The following DPP10 variants were observed in gnomAD, a reference collection of about 807,000 sequenced individuals.
DPP10 encodes dipeptidyl peptidase like 10.
In DPP10, 33 loss-of-function variants were observed where a neutral mutation model predicts 120.9. The observed-to-expected ratio is 0.27, with a 90% CI of 0.21 to 0.37. The LOEUF (loss-of-function observed/expected upper bound fraction) is 0.37. DPP10 is among the 10% of genes least tolerant of loss of function. The probability of loss-of-function intolerance (pLI) is 1.00; values close to 1 mark genes in which losing one functional copy is unlikely to be tolerated. For synonymous variants in DPP10, 337 were observed against 326.1 expected (o/e 1.03, Z -0.36); for missense variants, 816 against 942.8 (o/e 0.87, Z 1.76).
At chr2:114,516,794 A>T (rs1459134258) in intron 1 of DPP10, among the ~76,000 whole-genome samples, 1 of 152,228 alleles carries the variant, frequency 6.6e-6, no homozygotes, top group African/African-American at 2.4e-5. Context: ...CTGTTTTCTG[A>T]CAATACACTG....
intron 1 of DPP10, among the ~76,000 whole-genome samples, chr2:114,613,761 A>G (rs1206427795): frequency 1.3e-5 from 2 of 152,190 alleles, no homozygotes; most frequent in Non-Finnish European, 2.9e-5. Context: ...AATGTGGCAC[A>G]TATACACCAT....
chr2:114,749,533 C>T (rs950460298), intron 1 of DPP10, among the ~76,000 whole-genome samples: 2 of 137,174 alleles, frequency 1.5e-5, no homozygotes, highest in East Asian at 2.1e-4. Context: ...AACAAAGACA[C>T]TTATTCTAGC....
At position 115,309,145 on chromosome 2, in the gene DPP10, A is replaced by G. The variant is rs192213298; in HGVS notation, c.61-94A>G. 7.6e-6 allele frequency: 7 copies of G among 922,644 alleles called. No homozygotes were observed. The East Asian group carries it at 1.8e-4, about 24-fold the overall frequency. 57.2% of individuals were successfully genotyped at this position (922,644 alleles called of 1,614,324 possible). A position where few individuals can be genotyped will look rare whatever the true frequency, so the allele number is the denominator to read the frequency against. On this transcript the variant is annotated intron_variant, in intron 1 of 25. Transcript: ENST00000410059. ...GGAAATGGATTCTAATCAGCTTTCA[A>G]ACTGTGATTGTGCCATGCACTGAAT...
At chr2:115,583,589 G>T (rs2082122033) in intron 5 of DPP10, among the ~76,000 whole-genome samples, 1 of 152,112 alleles carries the variant, frequency 6.6e-6, no homozygotes, top group Non-Finnish European at 1.5e-5. Context: ...TTCTTACATG[G>T]TATCTCAGGG....
intron 2 of DPP10, among the ~76,000 whole-genome samples, chr2:115,330,377 T>A (rs2062644190): frequency 6.6e-6 from 1 of 151,276 alleles, no homozygotes; most frequent in African/African-American, 2.4e-5. Flanking sequence ...TCTCCCATTC[T>A]GTAGGTTGCC....
chr2:115,190,728 C>G (rs1010568923), intron 1 of DPP10, among the ~76,000 whole-genome samples: 27 of 152,180 alleles, frequency 1.8e-4, no homozygotes, highest in African/African-American at 6.3e-4. Context: ...AGCTACCATA[C>G]AGCTCATGCC....
chr2:115,066,087 G>A (rs955272284), intron 1 of DPP10, among the ~76,000 whole-genome samples: 2 of 152,102 alleles, frequency 1.3e-5, no homozygotes, highest in African/African-American at 2.4e-5. Flanking sequence ...CAAGATCCAC[G>A]TTATTGCCTA....
chr2:115,590,385 T>G (rs1476065200), intron 5 of DPP10, among the ~76,000 whole-genome samples: 4 of 152,102 alleles, frequency 2.6e-5, no homozygotes, highest in Non-Finnish European at 5.9e-5. Context: ...TTCTCATTGT[T>G]CAAGTCCCAC....
intron 1 of DPP10, among the ~76,000 whole-genome samples, chr2:114,564,663 G>C (rs1448650362): frequency 1.3e-5 from 2 of 152,052 alleles, no homozygotes; most frequent in African/African-American, 4.8e-5. Context: ...AGACATAAGG[G>C]AAAGGAAAAT....
intron 3 of DPP10, among the ~76,000 whole-genome samples, chr2:115,422,627 T>C (rs978765969): frequency 6.6e-6 from 1 of 152,190 alleles, no homozygotes; most frequent in South Asian, 2.1e-4. Context: ...TAATCACATT[T>C]TATATTTCCA....
At chr2:114,809,742 G>A (rs74818647) in intron 1 of DPP10, among the ~76,000 whole-genome samples, 2 of 152,034 alleles carry the variant, frequency 1.3e-5, no homozygotes, top group African/African-American at 2.4e-5. Flanking sequence ...ACCTGCATAC[G>A]GCTTGCGAAA....
At chr2:115,017,306 C>T (rs1260152119) in intron 1 of DPP10, among the ~76,000 whole-genome samples, 1 of 151,748 alleles carries the variant, frequency 6.6e-6, no homozygotes, top group Non-Finnish European at 1.5e-5. Context: ...AAATGAGATA[C>T]CATCTCATCC....
intron 1 of DPP10, among the ~76,000 whole-genome samples, chr2:114,858,237 C>T (rs774559669): frequency 3.9e-5 from 6 of 152,170 alleles, no homozygotes; most frequent in Non-Finnish European, 8.8e-5. Context: ...CAATCTGCCA[C>T]CTCGGCCTCC....
intron 1 of DPP10, among the ~76,000 whole-genome samples, chr2:114,693,002 G>A (rs1196846022): frequency 6.6e-6 from 1 of 152,066 alleles, no homozygotes; most frequent in Non-Finnish European, 1.5e-5. Context: ...TTTGAAGACA[G>A]CATAGTGATG....
intron 5 of DPP10, among the ~76,000 whole-genome samples, chr2:115,660,918 C>T (rs926583802): frequency 3.3e-5 from 5 of 151,830 alleles, no homozygotes; most frequent in African/African-American, 9.7e-5. Context: ...TCAAGGATAA[C>T]CATTATCAGA....
chr2:115,587,110 T>TTC (rs1364513672), intron 5 of DPP10, among the ~76,000 whole-genome samples: 1 of 147,892 alleles, frequency 6.8e-6, no homozygotes, highest in Non-Finnish European at 1.5e-5. Context: ...TTTTTTTTTT[T>TTC]CTTTTGAGAC....
intron 1 of DPP10, among the ~76,000 whole-genome samples, chr2:115,288,095 A>T (rs557297230): frequency 6.6e-6 from 1 of 152,208 alleles, no homozygotes; most frequent in Admixed American, 6.5e-5. Context: ...AAATCTCCAT[A>T]CTGTTTTCTA....
chr2:114,772,016 G>A (rs1681306921), intron 1 of DPP10, among the ~76,000 whole-genome samples: 1 of 151,920 alleles, frequency 6.6e-6, no homozygotes, highest in Non-Finnish European at 1.5e-5. Flanking sequence ...TTTCTCCTGA[G>A]ATAATCTTTT....
At position 115,843,302 on chromosome 2, in the gene DPP10, T is replaced by G. The variant is rs182770734; in HGVS notation, c.*957T>G. On this transcript the variant is annotated 3_prime_UTR_variant, in exon 26 of 26. Coordinates refer to ENST00000410059, the MANE Select transcript of DPP10 (RefSeq NM_020868.6). ...AGATACTTAAATATTAAATTATAGT[T>G]TCTGATAAAGAAATTTTGTTAACAA... 9 of 152,732 alleles carry G rather than the reference T, an allele frequency of 5.9e-5. No individual in the cohort carries two copies. The East Asian group carries it at 1.7e-3, about 30-fold the overall frequency. 9.5% of individuals were successfully genotyped at this position (152,732 alleles called of 1,614,324 possible). A position where few individuals can be genotyped will look rare whatever the true frequency, so the allele number is the denominator to read the frequency against.
Sources: allele counts gnomAD v4.1 joint callset (sites outside exome capture counted in the v4.1 genomes callset), GRCh38; gene constraint gnomAD v4.1.1; transcripts MANE v1.5; gene names NCBI Gene and HGNC (gene_info 2026-07-23, HGNC 2026-07-21).